The following BGLAP variants were observed in gnomAD, a reference collection of about 807,000 sequenced individuals.
BGLAP encodes the protein osteocalcin.
A neutral mutation model predicts 13.7 loss-of-function variants in BGLAP; 15 were observed. The ratio of observed to expected loss-of-function variants is 1.09; its 90% confidence interval spans 0.73 to 1.68. The LOEUF (loss-of-function observed/expected upper bound fraction) is 1.68. Ranked by LOEUF, BGLAP falls within the 40% of genes most tolerant of loss-of-function variation. The pLI, the probability that BGLAP is intolerant of heterozygous loss-of-function variation, is 0.00. For missense variants in BGLAP, 120 were observed against 134.3 expected (o/e 0.89, Z 0.53); for synonymous variants, 67 against 56.2 (o/e 1.19, Z -0.86).
rs1388150120 is a variant in BGLAP at position 156,242,681 on chromosome 1, G to A, written c.104-81G>A. ...CCCCCACTCCTGCCACCTCCTGTCT[G>A]GCCATCAGGAAGGCCAGCCTGCTCC... is the stretch of plus-strand genomic sequence containing the variant. On this transcript the variant is annotated intron_variant, in intron 2 of 3. Transcript: ENST00000368272. 1.3e-5 allele frequency: 21 copies of A among 1,609,270 alleles called. No individual in the cohort carries two copies. In the East Asian group the frequency reaches 2.7e-4, roughly 21 times the overall value.
In BGLAP at chr1:156,242,252, C is replaced by T. The variant is rs752454305; in HGVS notation, c.21C>T (p.Leu7=). ...ACACCATGAGAGCCCTCACACTCCTCGCCCTATTGGCCCTGGCCGCACTTT... is the reference window on the plus strand; with the variant it reads ...ACACCATGAGAGCCCTCACACTCCTTGCCCTATTGGCCCTGGCCGCACTTT... The part of the protein sequence containing the change: MRALTL[L]ALLALAALCI... Residue 7 remains leucine (L), a synonymous_variant, in exon 1 of 4, where the codon CTC becomes CTT. Coordinates refer to ENST00000368272, the MANE Select transcript of BGLAP (RefSeq NM_199173.6). 57 of 1,613,488 alleles carry T rather than the reference C, an allele frequency of 3.5e-5. No individual in the cohort carries two copies. Among genetic ancestry groups the T allele is most frequent in the Admixed American group, 8.3e-5 (5 of 59,990 alleles).
rs1166726363 is a variant in BGLAP, at chr1:156,243,137, A to G, written c.278A>G (p.Tyr93Cys). ...LADHIGFQEA[Y>C]RRFYGPV Reference sequence around the variant, plus strand: ...GACCACATCGGCTTTCAGGAGGCCTATCGGCGCTTCTACGGCCCGGTCTAG... The same window carrying G: ...GACCACATCGGCTTTCAGGAGGCCTGTCGGCGCTTCTACGGCCCGGTCTAG... Residue 93 changes from tyrosine to cysteine, a missense_variant, in exon 4 of 4, where the codon TAT becomes TGT. Physicochemically the swap from Tyr to Cys is radical, Grantham distance 194. Coordinates refer to ENST00000368272, the MANE Select transcript of BGLAP (RefSeq NM_199173.6). The G allele has an allele frequency of 6.2e-7, 1 of 1,613,914 alleles. No individual in the cohort carries two copies. Among genetic ancestry groups the G allele is most frequent in the East Asian group, 2.2e-5 (1 of 44,884 alleles).
chr1:156,243,248 G>C lies in BGLAP; in HGVS notation c.*86G>C. 1 of 1,583,918 alleles carries C rather than the reference G, an allele frequency of 6.3e-7. No homozygotes were observed. Among genetic ancestry groups the C allele is most frequent in the East Asian group, 2.2e-5 (1 of 44,448 alleles). The stretch of plus-strand genomic sequence containing the variant: ...TTCCTCTTCCCCTTGCCCTTGCCCT[G>C]ACCTCCCAGCCCTATGGATGTGGGG... On this transcript the variant is annotated 3_prime_UTR_variant, in exon 4 of 4. Transcript: ENST00000368272.
chr1:156,243,273 G>A lies in BGLAP; in HGVS notation c.*111G>A, dbSNP rs1274550485. ...GACCTCCCAGCCCTATGGATGTGGG[G>A]TCCCCATCATCCCAGCTGCTCCCAA... On this transcript the variant is annotated 3_prime_UTR_variant, in exon 4 of 4. Transcript: ENST00000368272. 4 of 1,533,776 alleles carry A rather than the reference G, an allele frequency of 2.6e-6. No homozygotes were observed. Among genetic ancestry groups the A allele is most frequent in the East Asian group, 4.5e-5 (2 of 44,026 alleles).
intron 1 of BGLAP, 78 bp downstream of exon 1, chr1:156,242,373 A>C: frequency 6.4e-7 from 1 of 1,565,024 alleles, no homozygotes; most frequent in Non-Finnish European, 8.7e-7. Flanking sequence ...ACCTCTTCTC[A>C]CCCCTTTGGC....
rs368420605 is a variant in BGLAP at position 156,243,070 on chromosome 1, A to C, written c.211A>C (p.Arg71=). The C allele has an allele frequency of 6.2e-7, 1 of 1,614,012 alleles. No individual in the cohort carries two copies. Among genetic ancestry groups the C allele is most frequent in the African/African-American group, 1.3e-5 (1 of 74,910 alleles). ...VPYPDPLEPR[R]EVCELNPDCD... ...CTACCCGGATCCCCTGGAGCCCAGGAGGGAGGTGTGTGAGCTCAATCCGGA... is the reference window on the plus strand; with the variant it reads ...CTACCCGGATCCCCTGGAGCCCAGGCGGGAGGTGTGTGAGCTCAATCCGGA... The change falls in exon 4 of 4, where the codon AGG becomes CGG. Residue 71 remains arginine (R), a synonymous_variant. Transcript: ENST00000368272.
chr1:156,243,014 AC>A lies in BGLAP; in HGVS notation c.174-17del. ...GGCATTTTGCACGGGGGCTGATGCC[AC>A]CACGTCGGGTGTCTCAGAGCCCCAG... On this transcript the variant is annotated intron_variant, in intron 3 of 3. Transcript: ENST00000368272. 1.2e-6 allele frequency: 2 copies of A among 1,613,856 alleles called. No homozygotes were observed. Among genetic ancestry groups the A allele is most frequent in the Non-Finnish European group, 1.7e-6 (2 of 1,179,902 alleles).
intron 3 of BGLAP, 35 bp downstream of exon 3, chr1:156,242,866 C>G (rs1659530831): frequency 1.9e-6 from 3 of 1,573,268 alleles, no homozygotes; most frequent in Non-Finnish European, 1.7e-6. Context: ...CAAGGCCCTG[C>G]CTCTCCGGGA....
At chr1:156,242,885 G>T (rs767852918) in intron 3 of BGLAP, 54 bp downstream of exon 3, 23 of 1,572,964 alleles carry the variant, frequency 1.5e-5, no homozygotes, top group Admixed American at 3.6e-5. Context: ...GATGGTCTGT[G>T]GGGGAGCTGC....
Position 156,242,835 on chromosome 1 carries a change from A to C in BGLAP, c.173+4A>C. On this transcript the variant is annotated splice_donor_region_variant and intron_variant, in intron 3 of 3. Transcript: ENST00000368272. ...GCTACCTGTATCAATGGCTGGGGTG[A>C]GAGAAAAGGCAGAGCTGGGCCAAGG... is the stretch of plus-strand genomic sequence containing the variant. 1 of 1,592,196 alleles carries C rather than the reference A, an allele frequency of 6.3e-7. No individual in the cohort carries two copies.
At chr1:156,242,730 A>G (rs1351549941) in intron 2 of BGLAP, 32 bp from the exon 3 acceptor site, 1 of 1,593,148 alleles carries the variant, frequency 6.3e-7, no homozygotes, top group Non-Finnish European at 8.6e-7. Context: ...CCAAACCCAG[A>G]GCCACCTGAT....
intron 3 of BGLAP, 89 bp from the exon 4 acceptor site, chr1:156,242,944 C>T (rs1659548395): frequency 2.5e-6 from 4 of 1,592,116 alleles, no homozygotes; most frequent in Non-Finnish European, 3.4e-6. Flanking sequence ...GGCAGCCTGC[C>T]CTGGTGGGCA....
chr1:156,242,784 C>T lies in BGLAP; in HGVS notation c.126C>T (p.Gly42=). The stretch of plus-strand genomic sequence containing the variant: ...CAGCCTTTGTGTCCAAGCAGGAGGG[C>T]AGCGAGGTAGTGAAGAGACCCAGGC... ...KGAAFVSKQE[G]SEVVKRPRRY... The change falls in exon 3 of 4, where the codon GGC becomes GGT. Residue 42 remains glycine, a synonymous_variant. Transcript: ENST00000368272. 2 of 1,600,068 alleles carry T rather than the reference C, an allele frequency of 1.2e-6. No individual in the cohort carries two copies. The highest frequency in any genetic ancestry group is 1.7e-6 in the Non-Finnish European group (2 of 1,171,906).
Position 156,242,760 on chromosome 1 carries a change from A to G in BGLAP, c.104-2A>G, listed in dbSNP as rs1255704594. 1 of 1,593,918 alleles carries G rather than the reference A, an allele frequency of 6.3e-7. No homozygotes were observed. Among genetic ancestry groups the G allele is most frequent in the Non-Finnish European group, 8.6e-7 (1 of 1,168,556 alleles). On this transcript the variant is annotated splice_acceptor_variant, in intron 2 of 3. Coordinates refer to ENST00000368272, the MANE Select transcript of BGLAP (RefSeq NM_199173.6). LOFTEE classifies it high-confidence loss of function. The stretch of plus-strand genomic sequence containing the variant: ...CCTGATGCCTGCCCCTCTGCTCCAC[A>G]GCCTTTGTGTCCAAGCAGGAGGGCA...
chr1:156,242,805 C>G lies in BGLAP; in HGVS notation c.147C>G (p.Pro49=). 1 of 1,600,954 alleles carries G rather than the reference C, an allele frequency of 6.2e-7. No homozygotes were observed. Among genetic ancestry groups the G allele is most frequent in the East Asian group, 2.2e-5 (1 of 44,704 alleles). The change falls in exon 3 of 4, where the codon CCC becomes CCG. Residue 49 remains proline (P), a synonymous_variant. Transcript: ENST00000368272. ...KQEGSEVVKR[P]RRYLYQWLGA... ...AGGGCAGCGAGGTAGTGAAGAGACC[C>G]AGGCGCTACCTGTATCAATGGCTGG...
At position 156,242,407 on chromosome 1, in the gene BGLAP, C is replaced by T. The variant is rs558669508; in HGVS notation, c.64+112C>T. ...GCTGGCAGTCCCTTTGCAGTCTAAC[C>T]ACCTTGTTGCAGGCTCAATCCATTT... On this transcript the variant is annotated intron_variant, in intron 1 of 3. Transcript: ENST00000368272. 1.9e-6 allele frequency: 3 copies of T among 1,541,438 alleles called. No homozygotes were observed. In the East Asian group the frequency reaches 7.4e-5, roughly 38 times the overall value.
chr1:156,242,462 G>A, intron 1 of BGLAP, 91 bp from the exon 2 acceptor site: 1 of 1,549,904 alleles, frequency 6.5e-7, no homozygotes, highest in Non-Finnish European at 8.7e-7. Flanking sequence ...AGAGGGAGAG[G>A]AGGGAAGAGC....
At position 156,242,799 on chromosome 1, in the gene BGLAP, G is replaced by A. The variant is rs779466799; in HGVS notation, c.141G>A (p.Lys47=). ...VSKQEGSEVV[K]RPRRYLYQWL... The stretch of plus-strand genomic sequence containing the variant: ...AGCAGGAGGGCAGCGAGGTAGTGAA[G>A]AGACCCAGGCGCTACCTGTATCAAT... The change falls in exon 3 of 4, where the codon AAG becomes AAA. Residue 47 remains lysine (K), a synonymous_variant. Transcript: ENST00000368272. The A allele has an allele frequency of 1.9e-6, 3 of 1,602,108 alleles. No individual in the cohort carries two copies. The South Asian group carries it at 3.4e-5, about 18-fold the overall frequency.
intron 2 of BGLAP, 63 bp from the exon 3 acceptor site, chr1:156,242,699 C>A: frequency 6.2e-7 from 1 of 1,606,262 alleles, no homozygotes; most frequent in Non-Finnish European, 8.5e-7. Flanking sequence ...GGAAGGCCAG[C>A]CTGCTCCCCA....
Sources: gnomAD v4.1 joint callset for allele counts on GRCh38, gnomAD v4.1.1 for gene constraint, MANE v1.5 for transcripts, NCBI Gene and HGNC (gene_info 2026-07-23, HGNC 2026-07-21) for gene names.